The following OSBPL10 variants were observed in gnomAD, a reference collection of about 807,000 sequenced individuals.
OSBPL10 encodes oxysterol binding protein like 10, also known as oxysterol-binding protein-related protein 10.
In OSBPL10, 49 loss-of-function variants were observed where a neutral mutation model predicts 81.7. The ratio of observed to expected loss-of-function variants is 0.60; its 90% CI spans 0.48 to 0.76. The LOEUF (loss-of-function observed/expected upper bound fraction) is 0.76. OSBPL10 is among the 30% of genes least tolerant of loss of function. The probability of loss-of-function intolerance (pLI) is 0.00; values close to 1 mark genes in which losing one functional copy is unlikely to be tolerated. For synonymous variants in OSBPL10, 419 were observed against 383.6 expected (o/e 1.09, Z -1.08); for missense variants, 923 against 987.8 (o/e 0.93, Z 0.88).
At chr3:31,859,695 GTCA>G (rs773389396) in intron 3 of OSBPL10, among the ~76,000 whole-genome samples, 6 of 152,094 alleles carry the variant, frequency 3.9e-5, no homozygotes, top group Non-Finnish European at 5.9e-5. Context: ...CATCACTAAC[GTCA>G]TCATCATCCC....
intron 4 of OSBPL10, among the ~76,000 whole-genome samples, chr3:31,825,361 G>A (rs553275545): frequency 1.1e-4 from 16 of 152,144 alleles, no homozygotes; most frequent in East Asian, 9.7e-4. Context: ...TTGCACAGTC[G>A]CCTAGGGTGG....
chr3:32,033,065 A>G lies in OSBPL10; in HGVS notation n.298+13426T>C, dbSNP rs77670348. On this transcript the variant is annotated intron_variant and non_coding_transcript_variant, in intron 2 of 3. Coordinates refer to the OSBPL10 transcript ENST00000479173. ...GATGAATTTCCTTTAAAATGTTTTT[A>G]GATTTTACAAGTTGTGTGTTACTGA... 1.1e-4 allele frequency among the ~76,000 whole-genome samples: 17 copies of G among 152,338 alleles called. No homozygotes were observed. In the East Asian group the frequency reaches 2.7e-3, roughly 24 times the overall value.
chr3:31,759,852 TG>T (rs1361740246), intron 4 of OSBPL10, among the ~76,000 whole-genome samples: 1 of 152,132 alleles, frequency 6.6e-6, no homozygotes, highest in East Asian at 1.9e-4. Flanking sequence ...CTCTGCCTCC[TG>T]GGTTCAAGTA....
intron 3 of OSBPL10, among the ~76,000 whole-genome samples, chr3:31,833,895 T>A (rs1700311244): frequency 6.6e-6 from 1 of 152,186 alleles, no homozygotes; most frequent in South Asian, 2.1e-4. Flanking sequence ...GGTGGATGTC[T>A]AAAACCATGA....
At chr3:31,806,810 T>C (rs1372147964) in intron 4 of OSBPL10, among the ~76,000 whole-genome samples, 2 of 151,816 alleles carry the variant, frequency 1.3e-5, no homozygotes, top group Non-Finnish European at 2.9e-5. Context: ...GGGAGCCATG[T>C]GGGTGGATAT....
chr3:31,962,532 A>AT (rs57842240), intron 1 of OSBPL10, among the ~76,000 whole-genome samples: 101 of 149,948 alleles, frequency 6.7e-4, no homozygotes, highest in East Asian at 4.9e-3. Context: ...ATGAAACACT[A>AT]TTTTTTTTTT....
chr3:32,047,402 G>A (rs940128799), intron 1 of OSBPL10, among the ~76,000 whole-genome samples: 1 of 152,114 alleles, frequency 6.6e-6, no homozygotes, highest in African/African-American at 2.4e-5. Context: ...AACAAGCGGT[G>A]GATTATTCAC....
At chr3:31,926,908 G>A (rs1306230834) in intron 1 of OSBPL10, among the ~76,000 whole-genome samples, 2 of 152,104 alleles carry the variant, frequency 1.3e-5, no homozygotes, top group African/African-American at 4.8e-5. Flanking sequence ...TCAGGAGTTC[G>A]AGACCAGCCT....
intron 6 of OSBPL10, among the ~76,000 whole-genome samples, chr3:31,730,452 G>A (rs1258544363): frequency 2.0e-5 from 3 of 151,904 alleles, no homozygotes; most frequent in Non-Finnish European, 2.9e-5. Flanking sequence ...ATGATGAAGC[G>A]ACACACGGAA....
At chr3:31,867,503 A>G (rs549593677) in intron 3 of OSBPL10, among the ~76,000 whole-genome samples, 70 of 152,252 alleles carry the variant, frequency 4.6e-4, no homozygotes, top group African/African-American at 1.6e-3. Context: ...GCACTTTGGG[A>G]GCCCAAGGAG....
rs184190765 is a variant in OSBPL10 at position 31,772,321 on chromosome 3, G to T, written c.730-24201C>A. Among the ~76,000 whole-genome samples the T allele has an allele frequency of 5.1e-4, 78 of 152,212 alleles. 1 individual carries two copies. The East Asian group carries it at 0.015, about 29-fold the overall frequency. ...CCCTTTCCTTTTTAACATTTAGCAG[G>T]TACAGTCAATCCTCATTATTCACAG... On this transcript the variant is annotated intron_variant, in intron 4 of 11. Coordinates refer to ENST00000396556, the MANE Select transcript of OSBPL10 (RefSeq NM_017784.5).
At chr3:31,913,032 A>C (rs1459073329) in intron 1 of OSBPL10, among the ~76,000 whole-genome samples, 2 of 152,194 alleles carry the variant, frequency 1.3e-5, no homozygotes, top group African/African-American at 4.8e-5. Context: ...ACACACCCGC[A>C]TATATAACAG....
chr3:31,680,983 G>A (rs1018662217), intron 8 of OSBPL10, among the ~76,000 whole-genome samples: 1 of 148,386 alleles, frequency 6.7e-6, no homozygotes, highest in Non-Finnish European at 1.5e-5. Context: ...CCTAAGAGGA[G>A]GATAATACTC....
At chr3:31,805,025 C>A (rs148256696) in intron 4 of OSBPL10, among the ~76,000 whole-genome samples, 3 of 152,084 alleles carry the variant, frequency 2.0e-5, no homozygotes, top group Non-Finnish European at 2.9e-5. Context: ...TGACAAAATT[C>A]GTAATTATTA....
chr3:31,730,296 G>C (rs1696933422), intron 6 of OSBPL10, among the ~76,000 whole-genome samples: 1 of 150,506 alleles, frequency 6.6e-6, no homozygotes, highest in South Asian at 2.1e-4. Context: ...AGCTGAGATC[G>C]ATCACGCCAC....
At chr3:31,688,633 T>C (rs539366534) in intron 7 of OSBPL10, among the ~76,000 whole-genome samples, 1 of 152,322 alleles carries the variant, frequency 6.6e-6, no homozygotes, top group East Asian at 1.9e-4. Context: ...ATGTTTAAGT[T>C]ACCCATATTT....
At chr3:31,925,120 T>C (rs1477368855) in intron 1 of OSBPL10, among the ~76,000 whole-genome samples, 1 of 152,196 alleles carries the variant, frequency 6.6e-6, no homozygotes, top group East Asian at 1.9e-4. Flanking sequence ...ACCTATTTCC[T>C]CTAAGTAGTA....
intron 2 of OSBPL10, chr3:32,030,393 T>C: frequency 1.6e-6 from 1 of 619,832 alleles, no homozygotes; most frequent in Non-Finnish European, 3.0e-6. Flanking sequence ...GAGTCTACAA[T>C]GTGACCCAGC....
intron 6 of OSBPL10, among the ~76,000 whole-genome samples, chr3:31,708,111 T>A (rs1696131433): frequency 6.6e-6 from 1 of 152,174 alleles, no homozygotes; most frequent in African/African-American, 2.4e-5. Context: ...TTAAATTTTT[T>A]ATTAAATTAG....
Sources: gnomAD v4.1 joint callset for allele counts (sites outside exome capture counted in the v4.1 genomes callset) on GRCh38, gnomAD v4.1.1 for gene constraint, MANE v1.5 for transcripts, NCBI Gene and HGNC (gene_info 2026-07-23, HGNC 2026-07-21) for gene names.